The following TXNDC11 variants were observed in gnomAD, a reference collection of about 807,000 sequenced individuals.
TXNDC11 encodes thioredoxin domain containing 11, also known as thioredoxin domain-containing protein 11.
In TXNDC11, 68 loss-of-function variants were observed where a neutral mutation model predicts 78.0. That is an observed-to-expected ratio of 0.87 (90% CI 0.72 to 1.07). The LOEUF is 1.07. Ranked by LOEUF, TXNDC11 falls within the 50% of genes least tolerant of loss-of-function variation. The pLI is 0.00. For synonymous variants in TXNDC11, 571 were observed against 495.2 expected (o/e 1.15, Z -2.03); for missense variants, 1,389 against 1,221.8 (o/e 1.14, Z -2.04).
intron 7 of TXNDC11, among the ~76,000 whole-genome samples, chr16:11,696,454 A>G (rs1423551348): frequency 6.6e-6 from 1 of 152,236 alleles, no homozygotes; most frequent in Non-Finnish European, 1.5e-5. Flanking sequence ...CAAGCCTCTA[A>G]GACCACAGGA....
intron 5 of TXNDC11, chr16:11,703,864 G>C: frequency 1.7e-6 from 1 of 580,306 alleles, no homozygotes; most frequent in Admixed American, 2.5e-5. Flanking sequence ...GGCCAAGGCG[G>C]GTGGATCACC....
intron 7 of TXNDC11, among the ~76,000 whole-genome samples, chr16:11,696,680 G>A (rs1304975587): frequency 6.6e-6 from 1 of 152,182 alleles, no homozygotes; most frequent in Non-Finnish European, 1.5e-5. Flanking sequence ...CAGAGACAAT[G>A]GGAGCCCCAA....
At position 11,721,685 on chromosome 16, in the gene TXNDC11, G is replaced by C; in HGVS notation, c.700-15C>G. 1 of 1,540,272 alleles carries C rather than the reference G, an allele frequency of 6.5e-7. No individual in the cohort carries two copies. Among genetic ancestry groups the C allele is most frequent in the Non-Finnish European group, 9.0e-7 (1 of 1,115,194 alleles). ...AGTACTCCAGGCTGCAGGAAAAAGA[G>C]CAGAATTAGGTAACTGAGGCACTGT... On this transcript the variant is annotated splice_polypyrimidine_tract_variant and intron_variant, in intron 4 of 11. Transcript: ENST00000283033.
intron 5 of TXNDC11, among the ~76,000 whole-genome samples, chr16:11,702,056 A>ATG (rs903858375): frequency 2.2e-4 from 33 of 146,710 alleles, no homozygotes; most frequent in Admixed American, 1.0e-3. Flanking sequence ...TATAAAAGTT[A>ATG]TGTGTGTGTA....
intron 5 of TXNDC11, among the ~76,000 whole-genome samples, chr16:11,701,779 G>T (rs186081104): frequency 8.5e-5 from 13 of 152,256 alleles, no homozygotes; most frequent in Admixed American, 5.2e-4. Flanking sequence ...TGAAAGTAAA[G>T]AAATGAGTAT....
At chr16:11,722,911 TTGTTG>T (rs1327397749) in intron 4 of TXNDC11, among the ~76,000 whole-genome samples, 5 of 152,242 alleles carry the variant, frequency 3.3e-5, no homozygotes, top group African/African-American at 1.2e-4. Flanking sequence ...AACCACTTGC[TTGTTG>T]TAAGATTCAA....
Position 11,698,111 on chromosome 16 carries a change from A to G in TXNDC11, c.1107+14T>C, listed in dbSNP as rs1436188743. On this transcript the variant is annotated intron_variant, in intron 7 of 11. Transcript: ENST00000283033. ...CTACTCCTCATGAGGTGCTTTTCAC[A>G]TCACAGCTCTTACCTCGTCTATTAA... 1.2e-6 allele frequency: 2 copies of G among 1,613,898 alleles called. No individual in the cohort carries two copies. The highest frequency in any genetic ancestry group is 1.7e-6 in the Non-Finnish European group (2 of 1,179,746).
chr16:11,721,568 A>AT lies in TXNDC11; in HGVS notation c.793+8dup, dbSNP rs1567337103. On this transcript the variant is annotated intron_variant, in intron 5 of 11. Transcript: ENST00000283033. Reference sequence around the variant, plus strand: ...AAGTAACAATGTCTTAATATGAATCATTTTTTACCTTTCTTTAATGAATGT... The same window carrying AT: ...AAGTAACAATGTCTTAATATGAATCATTTTTTTACCTTTCTTTAATGAATGT... The AT allele has an allele frequency of 3.2e-6, 5 of 1,546,414 alleles. No individual in the cohort carries two copies. Among genetic ancestry groups the AT allele is most frequent in the South Asian group, 1.1e-5 (1 of 88,552 alleles).
At position 11,730,995 on chromosome 16, in the gene TXNDC11, T is replaced by C. The variant is rs1332729098; in HGVS notation, c.570-221A>G. Among the ~76,000 whole-genome samples the C allele has an allele frequency of 2.6e-5, 4 of 152,048 alleles. No homozygotes were observed. The East Asian group carries it at 7.7e-4, about 29-fold the overall frequency. On this transcript the variant is annotated intron_variant, in intron 3 of 11. Coordinates refer to ENST00000283033, the MANE Select transcript of TXNDC11 (RefSeq NM_015914.7). The stretch of plus-strand genomic sequence containing the variant: ...GAGAGGCACAAGCAGCCCCTACCCT[T>C]CTATGATCTTGAATTCAACTGCAAA...
In TXNDC11 at chr16:11,695,245, A is replaced by G. The variant is rs1172471373; in HGVS notation, c.1107+2880T>C. Among the ~76,000 whole-genome samples the G allele has an allele frequency of 2.6e-5, 4 of 152,168 alleles. No homozygotes were observed. In the East Asian group the frequency reaches 7.7e-4, roughly 29 times the overall value. On this transcript the variant is annotated intron_variant, in intron 7 of 11. Transcript: ENST00000283033. ...TGTGTGGGTACACATGCAGGTATGC[A>G]TGTGTGTAGAAGCAGCTACCCACTA...
intron 3 of TXNDC11, among the ~76,000 whole-genome samples, chr16:11,733,504 G>A (rs556673560): frequency 6.6e-6 from 1 of 151,932 alleles, no homozygotes; most frequent in East Asian, 1.9e-4. Flanking sequence ...TCCAGCCTGG[G>A]CAACAGAGTG....
Position 11,682,993 on chromosome 16 carries a change from G to A in TXNDC11, c.2234+1172C>T, listed in dbSNP as rs532622289. ...AATTAAAACAGCAAACGTCATACAT[G>A]CGAGCCAGGGAACTCCCTAAATGAT... On this transcript the variant is annotated intron_variant, in intron 11 of 11. Coordinates refer to ENST00000283033, the MANE Select transcript of TXNDC11 (RefSeq NM_015914.7). Among the ~76,000 whole-genome samples the A allele has an allele frequency of 2.6e-5, 4 of 152,310 alleles. No individual in the cohort carries two copies. The South Asian group carries it at 6.2e-4, about 24-fold the overall frequency.
chr16:11,690,260 G>A (rs1043009126), intron 8 of TXNDC11, among the ~76,000 whole-genome samples: 3 of 152,186 alleles, frequency 2.0e-5, no homozygotes, highest in Non-Finnish European at 4.4e-5. Context: ...GCAAATTCCT[G>A]GGAACAGGCC....
In TXNDC11 at chr16:11,679,186, T is replaced by C. The variant is rs1458192208; in HGVS notation, c.*9A>G. The C allele has an allele frequency of 6.2e-7, 1 of 1,610,932 alleles. No individual in the cohort carries two copies. Among genetic ancestry groups the C allele is most frequent in the Non-Finnish European group, 8.5e-7 (1 of 1,179,308 alleles). ...TTTCACCTCTGATTTCTTCATATCA[T>C]TTAAAAAGTTAGTCTGTCCTGTTCT... On this transcript the variant is annotated 3_prime_UTR_variant, in exon 12 of 12. Transcript: ENST00000283033. The surrounding 1 kb of genome is among the most constrained non-coding windows in gnomAD (Gnocchi z 4.6).
intron 5 of TXNDC11, among the ~76,000 whole-genome samples, chr16:11,717,267 G>A (rs1337729101): frequency 5.3e-5 from 8 of 150,506 alleles, no homozygotes; most frequent in Non-Finnish European, 1.2e-4. Context: ...CTGTACTAAC[G>A]GTACAAAAAT....
At position 11,713,701 on chromosome 16, in the gene TXNDC11, C is replaced by G. The variant is rs370135704; in HGVS notation, c.793+7876G>C. Among the ~76,000 whole-genome samples, 106 of 152,304 alleles carry G rather than the reference C, an allele frequency of 7.0e-4. 1 individual carries two copies. The highest frequency in any genetic ancestry group is 2.1e-3 in the African/African-American group (89 of 41,570). On this transcript the variant is annotated intron_variant, in intron 5 of 11. Coordinates refer to ENST00000283033, the MANE Select transcript of TXNDC11 (RefSeq NM_015914.7). ...AAAGTGCTGGGATTACAGGTATGAGCCACAGCGCCCGGCCCAAAGTATGGA... is the reference window on the plus strand; with the variant it reads ...AAAGTGCTGGGATTACAGGTATGAGGCACAGCGCCCGGCCCAAAGTATGGA...
intron 11 of TXNDC11, among the ~76,000 whole-genome samples, chr16:11,681,987 A>G (rs1028390289): frequency 1.3e-5 from 2 of 152,264 alleles, no homozygotes; most frequent in African/African-American, 4.8e-5. Context: ...GAAGTCATCA[A>G]TGTTAACACC....
intron 5 of TXNDC11, among the ~76,000 whole-genome samples, chr16:11,720,810 C>T (rs1357890618): frequency 1.3e-5 from 2 of 151,640 alleles, no homozygotes; most frequent in Admixed American, 6.6e-5. Flanking sequence ...GGCGCGATCT[C>T]GGTTTACTGC....
At chr16:11,714,963 T>C (rs1235832689) in intron 5 of TXNDC11, among the ~76,000 whole-genome samples, 1 of 151,688 alleles carries the variant, frequency 6.6e-6, no homozygotes, top group Non-Finnish European at 1.5e-5. Flanking sequence ...GTTAATAGTT[T>C]AGTGTGGCCG....
Sources: allele counts gnomAD v4.1 joint callset (sites outside exome capture counted in the v4.1 genomes callset), GRCh38; gene constraint gnomAD v4.1.1; non-coding constraint Gnocchi (gnomAD v3.1); transcripts MANE v1.5; gene names NCBI Gene and HGNC (gene_info 2026-07-23, HGNC 2026-07-21).